EEPD1: variants seen among roughly 807,000 people sequenced by gnomAD.
The protein encoded by EEPD1 is endonuclease/exonuclease/phosphatase family domain-containing protein 1.
In EEPD1, 17 loss-of-function variants were observed where a neutral mutation model predicts 46.3. That is an observed-to-expected ratio of 0.37 (90% CI 0.25 to 0.55). EEPD1 has a LOEUF of 0.55. Ranked by LOEUF, EEPD1 falls within the 20% of genes least tolerant of loss-of-function variation. The pLI is 0.83. For missense variants in EEPD1, 673 were observed against 745.6 expected (o/e 0.90, Z 1.13); for synonymous variants, 313 against 315.6 (o/e 0.99, Z 0.09).
intron 2 of EEPD1, among the ~76,000 whole-genome samples, chr7:36,208,229 G>A (rs1785856871): frequency 6.6e-6 from 1 of 152,152 alleles, no homozygotes; most frequent in African/African-American, 2.4e-5. Context: ...CAGGCTTACT[G>A]GGGCCAGAGG....
At chr7:36,221,560 A>G (rs191131971) in intron 2 of EEPD1, among the ~76,000 whole-genome samples, 17 of 152,352 alleles carry the variant, frequency 1.1e-4, no homozygotes, top group South Asian at 8.3e-4. Context: ...GCACCATAAA[A>G]TCTGAACTCA....
At chr7:36,270,875 G>T (rs193160734) in intron 3 of EEPD1, among the ~76,000 whole-genome samples, 1 of 152,100 alleles carries the variant, frequency 6.6e-6, no homozygotes, top group Non-Finnish European at 1.5e-5. Flanking sequence ...TTGAGGAATC[G>T]CCACACTGTC....
intron 3 of EEPD1, among the ~76,000 whole-genome samples, chr7:36,249,364 C>T (rs1484687919): frequency 1.3e-5 from 2 of 152,152 alleles, no homozygotes; most frequent in African/African-American, 4.8e-5. Context: ...CAGAGCATTT[C>T]ATTAGTGTTT....
rs1380955344 is a variant in EEPD1, at chr7:36,193,421, G to C, written c.878+38219G>C. 6.6e-6 allele frequency among the ~76,000 whole-genome samples: 1 copy of C among 152,218 alleles called. No homozygotes were observed. The highest frequency in any genetic ancestry group is 1.5e-5 in the Non-Finnish European group (1 of 68,032). Reference sequence around the variant, plus strand: ...GGAGGACAAAGGAGAGATGCAGCTAGATGAGGAGAGAACAGCCACTTCATG... The same window carrying C: ...GGAGGACAAAGGAGAGATGCAGCTACATGAGGAGAGAACAGCCACTTCATG... On this transcript the variant is annotated intron_variant, in intron 2 of 7. Transcript: ENST00000242108. This position sits in a 1 kb window ranked among gnomAD's most constrained non-coding sequence, Gnocchi z 4.9.
intron 2 of EEPD1, among the ~76,000 whole-genome samples, chr7:36,170,918 C>CTTTTG (rs1562672538): frequency 2.0e-5 from 3 of 151,938 alleles, no homozygotes; most frequent in African/African-American, 4.8e-5. Flanking sequence ...TTCCATGCTT[C>CTTTTG]TTTTGTTTTG....
At chr7:36,174,135 G>C (rs903449054) in intron 2 of EEPD1, among the ~76,000 whole-genome samples, 1 of 152,222 alleles carries the variant, frequency 6.6e-6, no homozygotes, top group Non-Finnish European at 1.5e-5. Flanking sequence ...GGCACTGGGG[G>C]CTTGGGATTG....
intron 2 of EEPD1, among the ~76,000 whole-genome samples, chr7:36,236,526 G>A (rs1383307311): frequency 6.6e-6 from 1 of 152,158 alleles, no homozygotes; most frequent in Non-Finnish European, 1.5e-5. Context: ...GCTCCCTCTG[G>A]GCTGCCTTAG....
intron 3 of EEPD1, among the ~76,000 whole-genome samples, chr7:36,270,938 A>G (rs1787092535): frequency 2.0e-5 from 3 of 152,092 alleles, no homozygotes; most frequent in South Asian, 2.1e-4. Context: ...AAGCGTTCCT[A>G]TTTCTCCACA....
Position 36,273,760 on chromosome 7 carries a change from C to T in EEPD1, c.931-7355C>T, listed in dbSNP as rs1009521397. Among the ~76,000 whole-genome samples, 10 of 152,228 alleles carry T rather than the reference C, an allele frequency of 6.6e-5. No homozygotes were observed. In the East Asian group the frequency reaches 7.7e-4, roughly 12 times the overall value. Reference sequence around the variant, plus strand: ...TGCTTAACAGATGGGGAGACTGAGGCGCAAAGATGTTCAGTGATGTGTGCA... The same window carrying T: ...TGCTTAACAGATGGGGAGACTGAGGTGCAAAGATGTTCAGTGATGTGTGCA... On this transcript the variant is annotated intron_variant, in intron 3 of 7. Transcript: ENST00000242108.
At chr7:36,188,024 T>C (rs929389975) in intron 2 of EEPD1, among the ~76,000 whole-genome samples, 1 of 139,434 alleles carries the variant, frequency 7.2e-6, no homozygotes, top group African/African-American at 3.4e-5. Context: ...TCTTGAACAC[T>C]TGTCCTCGTG....
intron 2 of EEPD1, among the ~76,000 whole-genome samples, chr7:36,220,739 T>A (rs1786130500): frequency 6.6e-6 from 1 of 152,200 alleles, no homozygotes; most frequent in Non-Finnish European, 1.5e-5. Context: ...TGCTTTGTCC[T>A]TCTCCTTTCA....
At chr7:36,228,076 T>G (rs1786258897) in intron 2 of EEPD1, among the ~76,000 whole-genome samples, 2 of 152,116 alleles carry the variant, frequency 1.3e-5, no homozygotes, top group African/African-American at 4.8e-5. Context: ...GAGACCCCCA[T>G]CTCTATTAAA....
chr7:36,232,750 G>C (rs960533423), intron 2 of EEPD1, among the ~76,000 whole-genome samples: 4 of 151,536 alleles, frequency 2.6e-5, no homozygotes, highest in African/African-American at 9.7e-5. Context: ...CACTGTGCAT[G>C]CCAGGCCTGT....
intron 2 of EEPD1, chr7:36,230,715 C>T (rs1444458018): frequency 1.3e-5 from 2 of 152,216 alleles, no homozygotes; most frequent in Admixed American, 6.5e-5. Context: ...GTGCCCATCA[C>T]GCGGCTGATG....
chr7:36,231,856 G>A (rs527474131), intron 2 of EEPD1, among the ~76,000 whole-genome samples: 1 of 152,170 alleles, frequency 6.6e-6, no homozygotes, highest in African/African-American at 2.4e-5. Context: ...TCCTCCCAGG[G>A]AGTATCTGAT....
chr7:36,285,020 G>C (rs1262880279), intron 5 of EEPD1, among the ~76,000 whole-genome samples, 200 bp downstream of exon 5: 1 of 152,204 alleles, frequency 6.6e-6, no homozygotes, highest in Non-Finnish European at 1.5e-5. Context: ...AAGGGATTTT[G>C]AGACAGCCCC....
At chr7:36,232,883 G>A (rs1369220393) in intron 2 of EEPD1, among the ~76,000 whole-genome samples, 1 of 152,096 alleles carries the variant, frequency 6.6e-6, no homozygotes, top group Non-Finnish European at 1.5e-5. Context: ...GCCTGAAATT[G>A]TTGGTTTTCA....
At chr7:36,282,836 A>G (rs183088816) in intron 4 of EEPD1, among the ~76,000 whole-genome samples, 18 of 152,342 alleles carry the variant, frequency 1.2e-4, no homozygotes, top group Non-Finnish European at 2.1e-4. Context: ...TGTGGGCCCA[A>G]TGTGGCCAAA....
chr7:36,187,939 A>G (rs1220518528), intron 2 of EEPD1, among the ~76,000 whole-genome samples: 1 of 152,140 alleles, frequency 6.6e-6, no homozygotes, highest in African/African-American at 2.4e-5. Context: ...TGAGGATTAC[A>G]GGCACGTGCC....
Sources: gnomAD v4.1 joint callset for allele counts (sites outside exome capture counted in the v4.1 genomes callset) on GRCh38, gnomAD v4.1.1 for gene constraint, Gnocchi (gnomAD v3.1) non-coding constraint, MANE v1.5 for transcripts, NCBI Gene and HGNC (gene_info 2026-07-23, HGNC 2026-07-21) for gene names.